Variants in SLC15A1 observed in about 807,000 individuals in gnomAD.
SLC15A1 encodes Caco-2 oligopeptide transporter.
A neutral mutation model predicts 92.9 loss-of-function variants in SLC15A1; 83 were observed. The observed-to-expected ratio is 0.89, with a 90% confidence interval of 0.75 to 1.07. SLC15A1 has a LOEUF of 1.07. Ranked by LOEUF, SLC15A1 falls within the 50% of genes least tolerant of loss-of-function variation. SLC15A1 has a pLI of 0.00. For synonymous variants in SLC15A1, 322 were observed against 318.2 expected (o/e 1.01, Z -0.13); for missense variants, 857 against 880.1 (o/e 0.97, Z 0.33).
chr13:98,743,278 G>A (rs2088464205), intron 1 of SLC15A1, among the ~76,000 whole-genome samples: 1 of 152,142 alleles, frequency 6.6e-6, no homozygotes, highest in South Asian at 2.1e-4. Context: ...TACTGATTTA[G>A]GTTCAGATAT....
At chr13:98,719,412 T>C (rs2088236754) in intron 7 of SLC15A1, 92 bp from the exon 8 acceptor site, 1 of 890,202 alleles carries the variant, frequency 1.1e-6, no homozygotes, top group Non-Finnish European at 1.8e-6. Flanking sequence ...TAATTACGTA[T>C]TGCTTTCACA....
intron 18 of SLC15A1, among the ~76,000 whole-genome samples, chr13:98,695,020 C>CAAAAAAAAAAA (rs1170231960): frequency 1.4e-5 from 1 of 73,692 alleles, no homozygotes; most frequent in Non-Finnish European, 2.5e-5. Context: ...GACTCCGTCT[C>CAAAAAAAAAAA]AAAAAAAAAA....
intron 18 of SLC15A1, among the ~76,000 whole-genome samples, chr13:98,699,389 A>C (rs1204968911): frequency 6.6e-6 from 1 of 152,204 alleles, no homozygotes; most frequent in Admixed American, 6.5e-5. Context: ...CTCAATGTTT[A>C]AGAAATAAAA....
At chr13:98,736,422 T>C (rs1032204846) in intron 1 of SLC15A1, among the ~76,000 whole-genome samples, 2 of 152,136 alleles carry the variant, frequency 1.3e-5, no homozygotes, top group Non-Finnish European at 2.9e-5. Flanking sequence ...ATTCAGGACA[T>C]AGGCATGGGC....
intron 1 of SLC15A1, among the ~76,000 whole-genome samples, chr13:98,729,164 T>C (rs889051430): frequency 6.6e-6 from 1 of 151,776 alleles, no homozygotes; most frequent in African/African-American, 2.4e-5. Flanking sequence ...TAAATCCAGA[T>C]TTGATATTAA....
chr13:98,735,594 A>G (rs1043506835), intron 1 of SLC15A1, among the ~76,000 whole-genome samples: 26 of 152,258 alleles, frequency 1.7e-4, no homozygotes, highest in African/African-American at 6.0e-4. Flanking sequence ...AGAAAAACCC[A>G]AAGTCTCAGC....
chr13:98,741,113 A>T (rs920488849), intron 1 of SLC15A1, among the ~76,000 whole-genome samples: 3 of 152,060 alleles, frequency 2.0e-5, no homozygotes, highest in Non-Finnish European at 4.4e-5. Context: ...GTGGGCTTCT[A>T]GGCCGGATGC....
chr13:98,708,927 A>G lies in SLC15A1; in HGVS notation c.1068-160T>C, dbSNP rs77339770. ...TTGGTCATGGATTCATGAGGATTCA[A>G]GGAGGATAAGTGGAATATAGCTTCT... On this transcript the variant is annotated intron_variant, in intron 14 of 22. Transcript: ENST00000376503. Among the ~76,000 whole-genome samples, 541 of 151,334 alleles carry G rather than the reference A, an allele frequency of 3.6e-3. 30 individuals are homozygous for G. The East Asian group carries it at 0.099, about 28-fold the overall frequency.
chr13:98,738,645 G>A (rs2088414920), intron 1 of SLC15A1, among the ~76,000 whole-genome samples: 1 of 152,274 alleles, frequency 6.6e-6, no homozygotes, highest in Non-Finnish European at 1.5e-5. Flanking sequence ...GCAAAAGTGA[G>A]GGAGGCTTGG....
chr13:98,726,472 A>T (rs1566454716), intron 2 of SLC15A1, 23 bp from the exon 3 acceptor site: 1 of 1,607,838 alleles, frequency 6.2e-7, no homozygotes, highest in East Asian at 2.2e-5. Context: ...AAACAAGCAC[A>T]GGATTGAAAT....
intron 17 of SLC15A1, among the ~76,000 whole-genome samples, chr13:98,702,821 A>C (rs1224044538): frequency 2.6e-5 from 4 of 151,812 alleles, no homozygotes; most frequent in African/African-American, 9.7e-5. Flanking sequence ...GGTGATGCAC[A>C]CTTGTAGTTG....
intron 1 of SLC15A1, among the ~76,000 whole-genome samples, chr13:98,744,024 C>T (rs1044441291): frequency 5.3e-5 from 8 of 151,818 alleles, no homozygotes; most frequent in South Asian, 4.2e-4. Context: ...ACATAAATGT[C>T]GCTAAATTAA....
chr13:98,704,736 C>A (rs934170430), intron 16 of SLC15A1, among the ~76,000 whole-genome samples: 1 of 152,202 alleles, frequency 6.6e-6, no homozygotes, highest in African/African-American at 2.4e-5. Flanking sequence ...AGGCAAAGAA[C>A]AGCACCAGAG....
At chr13:98,716,495 ACCTGTAATCC>A (rs1392098587) in intron 8 of SLC15A1, among the ~76,000 whole-genome samples, 1 of 151,846 alleles carries the variant, frequency 6.6e-6, no homozygotes, top group East Asian at 1.9e-4. Context: ...GGTGATGGGC[ACCTGTAATCC>A]CAGCTACTCG....
intron 18 of SLC15A1, among the ~76,000 whole-genome samples, chr13:98,692,803 T>C (rs2087990716): frequency 6.6e-6 from 1 of 152,170 alleles, no homozygotes; most frequent in African/African-American, 2.4e-5. Flanking sequence ...TGCAGTGCAG[T>C]GGCACCAACA....
At chr13:98,687,771 A>G in intron 20 of SLC15A1, 47 bp from the exon 21 acceptor site, 10 of 1,601,968 alleles carry the variant, frequency 6.2e-6, no homozygotes, top group Non-Finnish European at 7.7e-6. Context: ...AGCTTCTAAA[A>G]TAAAAACTGT....
At chr13:98,745,525 T>G (rs1384312828) in intron 1 of SLC15A1, among the ~76,000 whole-genome samples, 1 of 152,124 alleles carries the variant, frequency 6.6e-6, no homozygotes, top group Non-Finnish European at 1.5e-5. Flanking sequence ...TCATCCAATG[T>G]GAGTAGAGTG....
At chr13:98,716,284 G>A (rs2088210728) in intron 8 of SLC15A1, among the ~76,000 whole-genome samples, 1 of 152,066 alleles carries the variant, frequency 6.6e-6, no homozygotes, top group Admixed American at 6.6e-5. Context: ...GAGACAAAAG[G>A]AATCAGTACT....
intron 18 of SLC15A1, among the ~76,000 whole-genome samples, chr13:98,701,420 G>C (rs2088066001): frequency 6.6e-6 from 1 of 152,022 alleles, no homozygotes; most frequent in African/African-American, 2.4e-5. Context: ...TTGATTCTGT[G>C]AGCTTCTTTT....
Sources: allele counts gnomAD v4.1 joint callset (sites outside exome capture counted in the v4.1 genomes callset), GRCh38; gene constraint gnomAD v4.1.1; transcripts MANE v1.5; gene names NCBI Gene and HGNC (gene_info 2026-07-23, HGNC 2026-07-21).